Variants in STARD9 observed in about 807,000 individuals in gnomAD.
The protein encoded by STARD9 is stAR-related lipid transfer protein 9.
Under a neutral mutation model 399.8 loss-of-function variants are expected in STARD9, and 346 were observed. The observed-to-expected ratio is 0.87, with a 90% CI of 0.79 to 0.95. The LOEUF is 0.95. STARD9 is among the 40% of genes least tolerant of loss of function. The probability of loss-of-function intolerance (pLI) is 0.00; values close to 1 mark genes in which losing one functional copy is unlikely to be tolerated. For missense variants in STARD9, 5,832 were observed against 5,667.5 expected (o/e 1.03, Z -0.93); for synonymous variants, 2,203 against 2,143.5 (o/e 1.03, Z -0.77).
intron 16 of STARD9, chr15:42,670,754 A>C (rs2060187903): frequency 1.3e-5 from 2 of 152,270 alleles, no homozygotes; most frequent in Admixed American, 6.5e-5. Flanking sequence ...TGAGCTGCTC[A>C]GACAGAAAAT....
rs1273636467 is a variant in STARD9, at chr15:42,689,028, A to G, written c.7450A>G (p.Ser2484Gly). Reference sequence around the variant, plus strand: ...AGTCAGTTCACTGAACAAGGTCTCTAGCCAGCCTGAAAAGAGGGTCAGCTT... The same window carrying G: ...AGTCAGTTCACTGAACAAGGTCTCTGGCCAGCCTGAAAAGAGGGTCAGCTT... The part of the protein sequence containing the change: ...IRVSSLNKVS[S>G]QPEKRVSFSL... The change falls in exon 23 of 33, where the codon AGC becomes GGC. Residue 2484 changes from serine (S) to glycine (G), a missense_variant. Ser to Gly is a moderately conservative substitution (Grantham distance 56). Transcript: ENST00000290607. 1 of 1,537,354 alleles carries G rather than the reference A, an allele frequency of 6.5e-7. No homozygotes were observed. Among genetic ancestry groups the G allele is most frequent in the South Asian group, 1.2e-5 (1 of 84,064 alleles).
At chr15:42,708,338 T>A (rs1025384116) in intron 26 of STARD9, among the ~76,000 whole-genome samples, 3 of 152,234 alleles carry the variant, frequency 2.0e-5, no homozygotes, top group African/African-American at 7.2e-5. Flanking sequence ...GCTTCCTGTT[T>A]TTGTAAATAA....
chr15:42,609,280 G>A (rs760258344), intron 3 of STARD9, among the ~76,000 whole-genome samples: 4 of 152,116 alleles, frequency 2.6e-5, no homozygotes, highest in East Asian at 1.9e-4. Context: ...CCCTCAGAAC[G>A]TGACCCAAGT....
In STARD9 at chr15:42,692,522, G is replaced by T. The variant is rs903952775; in HGVS notation, c.10944G>T (p.Arg3648Ser). The change falls in exon 23 of 33, where the codon AGG becomes AGT. Residue 3648 changes from arginine (R) to serine (S), a missense_variant. This residue lies in a region of STARD9 where 5,828 missense variants were observed against 5,651.1 expected (regional missense o/e 1.03). Transcript: ENST00000290607. ...AGGGCACACAGACCCTCGGCAGCAG[G>T]CGCCACTGGAGCAGCACTGACATCT... ...FEQGTQTLGS[R>S]RHWSSTDISF... is the part of the protein sequence containing the mutation. 2.0e-6 allele frequency: 3 copies of T among 1,537,144 alleles called. No homozygotes were observed. The Admixed American group carries it at 5.9e-5, about 30-fold the overall frequency.
At chr15:42,583,964 T>G (rs1196565643) in intron 2 of STARD9, among the ~76,000 whole-genome samples, 2 of 151,894 alleles carry the variant, frequency 1.3e-5, no homozygotes, top group African/African-American at 2.4e-5. Flanking sequence ...GAACTTAGAG[T>G]CATAATTGGA....
In STARD9 at chr15:42,720,261, C is replaced by G. The variant is rs1230202702; in HGVS notation, c.*687C>G. 6.6e-6 allele frequency: 1 copy of G among 152,256 alleles called. No individual in the cohort carries two copies. The highest frequency in any genetic ancestry group is 1.5e-5 in the Non-Finnish European group (1 of 68,060). 9.4% of individuals were successfully genotyped at this position (152,256 alleles called of 1,614,324 possible). ...CTGATATGGAGCTGTCACTCTAGAGCTCGGTCAGATGGAAGACACTATAGA... is the reference window on the plus strand; with the variant it reads ...CTGATATGGAGCTGTCACTCTAGAGGTCGGTCAGATGGAAGACACTATAGA... On this transcript the variant is annotated 3_prime_UTR_variant, in exon 33 of 33. Coordinates refer to ENST00000290607, the MANE Select transcript of STARD9 (RefSeq NM_020759.3).
chr15:42,583,149 G>C (rs1286286617), intron 1 of STARD9, among the ~76,000 whole-genome samples, 197 bp from the exon 2 acceptor site: 1 of 152,196 alleles, frequency 6.6e-6, no homozygotes, highest in Non-Finnish European at 1.5e-5. Context: ...CTGTTGCAGA[G>C]CCAAATTGTA....
intron 15 of STARD9, among the ~76,000 whole-genome samples, chr15:42,667,149 G>GT (rs924333384): frequency 1.3e-5 from 2 of 150,844 alleles, no homozygotes; most frequent in African/African-American, 2.4e-5. Context: ...ATGGTGGGCA[G>GT]TTTTTTTTGT....
In STARD9 at chr15:42,652,578, A is replaced by G. The variant is rs1193376210; in HGVS notation, c.688A>G (p.Ile230Val). The G allele has an allele frequency of 6.5e-7, 1 of 1,536,826 alleles. No homozygotes were observed. Among genetic ancestry groups the G allele is most frequent in the South Asian group, 1.2e-5 (1 of 84,026 alleles). The change falls in exon 9 of 33, where the codon ATC becomes GTC. Residue 230 changes from isoleucine (I) to valine (V), a missense_variant. Around this residue, in one of 2 missense-constraint regions of STARD9, gnomAD observed 5,828 missense variants for 5,651.1 expected, o/e 1.03. Transcript: ENST00000290607. ...CAGCAGATCCCACGCCATTTTCACG[A>G]TCCACTACACGCAGGTTGGTAACTC... ...ASSRSHAIFT[I>V]HYTQAILENN...
chr15:42,700,013 G>A (rs1444955237), intron 26 of STARD9, among the ~76,000 whole-genome samples: 4 of 152,204 alleles, frequency 2.6e-5, no homozygotes, highest in East Asian at 3.9e-4. Context: ...TTTAGATTCC[G>A]CATATGAGTA....
rs1210988697 is a variant in STARD9 at position 42,663,844 on chromosome 15, A to G, written c.1103A>G (p.Tyr368Cys). ...GCGGTGTCTCCTGCACACACTAGCT[A>G]CAGTGAGACCATGAGCACACTGAGA... ...VATVSPAHTS[Y>C]SETMSTLRYA... Residue 368 changes from tyrosine (Y) to cysteine (C), a missense_variant, in exon 13 of 33, where the codon TAC (tyrosine) becomes TGC (cysteine). By Grantham distance (194) the Tyr-to-Cys change is radical (BLOSUM62 -2). Around this residue, in one of 2 missense-constraint regions of STARD9, gnomAD observed 5,828 missense variants for 5,651.1 expected, o/e 1.03. Transcript: ENST00000290607. The G allele has an allele frequency of 6.5e-7, 1 of 1,536,780 alleles. No homozygotes were observed. The highest frequency in any genetic ancestry group is 8.7e-7 in the Non-Finnish European group (1 of 1,146,448).
rs756345999 is a variant in STARD9 at position 42,669,306 on chromosome 15, T to A, written c.1466T>A (p.Leu489His). The A allele has an allele frequency of 2.6e-6, 4 of 1,535,414 alleles. No homozygotes were observed. Among genetic ancestry groups the A allele is most frequent in the Non-Finnish European group, 3.5e-6 (4 of 1,145,430 alleles). ...PHLMALEDDV[L>H]STGVVLYHLK... is the part of the protein sequence containing the mutation. The stretch of plus-strand genomic sequence containing the variant: ...TTGATGGCCTTGGAGGATGATGTGC[T>A]CAGCACAGGTGTTGTGCTCTATCAT... The change falls in exon 16 of 33, where the codon CTC becomes CAC. Residue 489 changes from leucine to histidine, a missense_variant. By Grantham distance (99) the Leu-to-His change is moderately conservative. Coordinates refer to ENST00000290607, the MANE Select transcript of STARD9 (RefSeq NM_020759.3).
At chr15:42,677,228 C>T (rs1397215803) in intron 20 of STARD9, among the ~76,000 whole-genome samples, 8 of 152,010 alleles carry the variant, frequency 5.3e-5, no homozygotes, top group Admixed American at 3.3e-4. Flanking sequence ...TGCGCCACTG[C>T]ACTCCAGCCT....
chr15:42,581,544 G>A, intron 1 of STARD9: 3 of 1,197,630 alleles, frequency 2.5e-6, no homozygotes, highest in Non-Finnish European at 3.6e-6. Context: ...GCGCCGGGCC[G>A]GTCTGCTCCA....
At position 42,687,296 on chromosome 15, in the gene STARD9, G is replaced by A. The variant is rs762605314; in HGVS notation, c.5718G>A (p.Lys1906=). ...CCTCAGACAGCACTGAGTCTGGGAA[G>A]TCTCTCCTCTTTCGTGAATCTGAGG... The part of the protein sequence containing the change: ...GASSDSTESG[K]SLLFRESEAR... Residue 1906 remains lysine, a synonymous_variant, in exon 23 of 33, where the codon AAG becomes AAA. Coordinates refer to ENST00000290607, the MANE Select transcript of STARD9 (RefSeq NM_020759.3). The A allele has an allele frequency of 7.2e-6, 11 of 1,536,872 alleles. No homozygotes were observed. In the South Asian group the frequency reaches 1.2e-4, roughly 17 times the overall value.
At chr15:42,599,114 G>T (rs1239349455) in intron 3 of STARD9, among the ~76,000 whole-genome samples, 1 of 152,068 alleles carries the variant, frequency 6.6e-6, no homozygotes, top group Non-Finnish European at 1.5e-5. Context: ...AGTAGAATCA[G>T]GGTTTCACCA....
At chr15:42,592,098 A>G (rs2058408138) in intron 3 of STARD9, among the ~76,000 whole-genome samples, 1 of 152,202 alleles carries the variant, frequency 6.6e-6, no homozygotes, top group Non-Finnish European at 1.5e-5. Context: ...CTTTATGTAT[A>G]TTTGATATAA....
intron 9 of STARD9, among the ~76,000 whole-genome samples, chr15:42,653,579 T>G (rs2059806780): frequency 6.8e-6 from 1 of 147,072 alleles, no homozygotes; most frequent in South Asian, 2.1e-4. Context: ...GGCTGACTTC[T>G]CATCAGAAGC....
At chr15:42,681,315 A>AC (rs2060422227) in intron 20 of STARD9, 107 bp from the exon 21 acceptor site, 1 of 1,171,698 alleles carries the variant, frequency 8.5e-7, no homozygotes, top group Non-Finnish European at 1.2e-6. Flanking sequence ...AGCACTCTCT[A>AC]CCCTGTTGAT....
Sources: allele counts gnomAD v4.1 joint callset (sites outside exome capture counted in the v4.1 genomes callset), GRCh38; gene constraint gnomAD v4.1.1; regional missense constraint gnomAD v4.1.1; transcripts MANE v1.5; gene names NCBI Gene and HGNC (gene_info 2026-07-23, HGNC 2026-07-21).